ZNF385D: variants seen among roughly 807,000 people sequenced by gnomAD.
ZNF385D encodes the protein zinc finger protein 659.
Under a neutral mutation model 35.8 loss-of-function variants are expected in ZNF385D, and 15 were observed. The ratio of observed to expected loss-of-function variants is 0.42; its 90% CI spans 0.28 to 0.64. The LOEUF is 0.64. Among genes scored for constraint, ZNF385D ranks in the 30% least tolerant of loss-of-function variants. The pLI is 0.23. For missense variants in ZNF385D, 474 were observed against 494.6 expected, an observed-to-expected ratio of 0.96 and a Z score of 0.39; for synonymous variants, 212 against 186.8, an observed-to-expected ratio of 1.13 and a Z score of -1.10.
intron 2 of ZNF385D, among the ~76,000 whole-genome samples, chr3:22,224,124 C>A (rs1660151663): frequency 6.6e-6 from 1 of 151,796 alleles, no homozygotes; most frequent in South Asian, 2.1e-4. Flanking sequence ...ATGAATTTGA[C>A]CCTCAAAAGA....
chr3:21,956,899 T>C (rs980333867), intron 3 of ZNF385D, among the ~76,000 whole-genome samples: 41 of 152,030 alleles, frequency 2.7e-4, no homozygotes, highest in African/African-American at 9.4e-4. Flanking sequence ...TTCAAGTTTA[T>C]CATCTGTGGT....
At chr3:21,558,780 C>A (rs1575176594) in intron 3 of ZNF385D, among the ~76,000 whole-genome samples, 1 of 152,172 alleles carries the variant, frequency 6.6e-6, no homozygotes, top group East Asian at 1.9e-4. Context: ...GAATCTAAGT[C>A]TCTTTGTAGG....
At chr3:21,806,778 C>G (rs1413021553) in intron 3 of ZNF385D, among the ~76,000 whole-genome samples, 1 of 152,122 alleles carries the variant, frequency 6.6e-6, no homozygotes, top group African/African-American at 2.4e-5. Flanking sequence ...CTTGTGGCTC[C>G]CGCTAAGAAT....
At chr3:21,860,607 A>G (rs1387384549) in intron 3 of ZNF385D, among the ~76,000 whole-genome samples, 2 of 152,160 alleles carry the variant, frequency 1.3e-5, no homozygotes, top group Admixed American at 6.6e-5. Context: ...AAACAGATCA[A>G]GCATCCTGAC....
chr3:22,193,570 C>A (rs991408051), intron 2 of ZNF385D, among the ~76,000 whole-genome samples: 2 of 151,940 alleles, frequency 1.3e-5, no homozygotes, highest in Non-Finnish European at 2.9e-5. Context: ...TGTATTGTAA[C>A]TTCAAAATTG....
chr3:21,765,823 T>G (rs1418156580), intron 3 of ZNF385D, among the ~76,000 whole-genome samples: 1 of 152,062 alleles, frequency 6.6e-6, no homozygotes, highest in Non-Finnish European at 1.5e-5. Flanking sequence ...TTTGGTTAAT[T>G]CAAAAGTTTC....
intron 1 of ZNF385D, among the ~76,000 whole-genome samples, chr3:21,706,185 A>G (rs2067891821): frequency 1.3e-5 from 2 of 152,202 alleles, no homozygotes; most frequent in Admixed American, 1.3e-4. Context: ...ACAGATTTCA[A>G]TGAGGACATA....
At chr3:21,924,333 T>G (rs1700619639) in intron 3 of ZNF385D, among the ~76,000 whole-genome samples, 1 of 152,192 alleles carries the variant, frequency 6.6e-6, no homozygotes, top group Admixed American at 6.6e-5. Flanking sequence ...GAGTTTTTTT[T>G]GTCATTTCTC....
chr3:22,191,797 A>G (rs1310978935), intron 2 of ZNF385D, among the ~76,000 whole-genome samples: 1 of 152,176 alleles, frequency 6.6e-6, no homozygotes, highest in Non-Finnish European at 1.5e-5. Context: ...CAGTGAAGGA[A>G]TAAAATAACC....
At chr3:21,456,771 G>C (rs766302273) in intron 4 of ZNF385D, among the ~76,000 whole-genome samples, 4 of 151,946 alleles carry the variant, frequency 2.6e-5, no homozygotes, top group Non-Finnish European at 5.9e-5. Context: ...GAGAAACTTT[G>C]AGTTTCCTCT....
chr3:21,731,477 C>A (rs2068991891), intron 1 of ZNF385D, among the ~76,000 whole-genome samples: 1 of 152,146 alleles, frequency 6.6e-6, no homozygotes, highest in Non-Finnish European at 1.5e-5. Context: ...ACATTTGTTT[C>A]AATTGATGAA....
intron 2 of ZNF385D, among the ~76,000 whole-genome samples, chr3:22,323,643 T>C (rs1485983074): frequency 6.6e-6 from 1 of 152,144 alleles, no homozygotes; most frequent in Non-Finnish European, 1.5e-5. Flanking sequence ...AATTTTAAAA[T>C]AAAAATTATT....
chr3:21,528,073 G>A (rs990549788), intron 3 of ZNF385D, among the ~76,000 whole-genome samples: 4 of 152,152 alleles, frequency 2.6e-5, no homozygotes, highest in Non-Finnish European at 4.4e-5. Context: ...ACAGAGGCGA[G>A]ATTTGAAACC....
chr3:21,885,437 T>C (rs959807094), intron 3 of ZNF385D, among the ~76,000 whole-genome samples: 8 of 152,096 alleles, frequency 5.3e-5, no homozygotes, highest in Middle Eastern at 3.4e-3. Context: ...AAAAAAATAG[T>C]GAATTTCACA....
At chr3:21,924,219 A>G (rs912604608) in intron 3 of ZNF385D, among the ~76,000 whole-genome samples, 2 of 151,958 alleles carry the variant, frequency 1.3e-5, no homozygotes, top group Non-Finnish European at 2.9e-5. Flanking sequence ...AACCCTGGAC[A>G]TTATATATAA....
chr3:21,915,567 G>A (rs1575905142), intron 3 of ZNF385D, among the ~76,000 whole-genome samples: 1 of 151,904 alleles, frequency 6.6e-6, no homozygotes. Context: ...CTTTGTATTA[G>A]TGTTTACGGT....
rs1305609248 is a variant in ZNF385D at position 21,751,169 on chromosome 3, T to A, written c.-253A>T. 1.4e-6 allele frequency: 2 copies of A among 1,406,046 alleles called. No individual in the cohort carries two copies. Among genetic ancestry groups the A allele is most frequent in the African/African-American group, 2.9e-5 (2 of 68,552 alleles). The allele number at this position is 1,406,046 out of a possible 1,614,324, so 87.1% of individuals were successfully genotyped here. On this transcript the variant is annotated 5_prime_UTR_variant, in exon 1 of 8. Coordinates refer to ENST00000281523, the MANE Select transcript of ZNF385D (RefSeq NM_024697.3). ...CTGCCCATCCTTACTGTAATCCGAC[T>A]CCTCCTTGCGATGTCCTTGCCGCGC...
At chr3:22,296,093 T>A (rs1702561884) in intron 2 of ZNF385D, among the ~76,000 whole-genome samples, 1 of 152,162 alleles carries the variant, frequency 6.6e-6, no homozygotes, top group Admixed American at 6.6e-5. Context: ...AATGTAAGGT[T>A]ATGAATCAAT....
chr3:21,591,752 T>C (rs1238240634), intron 2 of ZNF385D, among the ~76,000 whole-genome samples: 1 of 152,162 alleles, frequency 6.6e-6, no homozygotes, highest in Non-Finnish European at 1.5e-5. Flanking sequence ...TACAGTCTGC[T>C]TTTTTATCTC....
Sources: allele counts gnomAD v4.1 joint callset (sites outside exome capture counted in the v4.1 genomes callset), GRCh38; gene constraint gnomAD v4.1.1; transcripts MANE v1.5; gene names NCBI Gene and HGNC (gene_info 2026-07-23, HGNC 2026-07-21).